XKR4: variants seen among roughly 807,000 people sequenced by gnomAD.
XKR4 encodes the protein XK-related protein 4.
XKR4 carries 12 observed loss-of-function variants against 53.9 expected under a neutral mutation model. The ratio of observed to expected loss-of-function variants is 0.22; its 90% CI spans 0.14 to 0.36. The LOEUF (loss-of-function observed/expected upper bound fraction) is 0.36. Among genes scored for constraint, XKR4 ranks in the 10% least tolerant of loss-of-function variants. The pLI is 1.00. For missense variants in XKR4, 799 were observed against 859.5 expected (o/e 0.93, Z 0.88); for synonymous variants, 354 against 362.4 (o/e 0.98, Z 0.26).
chr8:55,213,724 T>C (rs981615578), intron 1 of XKR4, among the ~76,000 whole-genome samples: 1 of 152,206 alleles, frequency 6.6e-6, no homozygotes, highest in Non-Finnish European at 1.5e-5. Context: ...AAGGACATTT[T>C]GGAGGTTAGA....
chr8:55,138,995 T>C (rs562520356), intron 1 of XKR4, among the ~76,000 whole-genome samples: 1 of 152,342 alleles, frequency 6.6e-6, no homozygotes, highest in Non-Finnish European at 1.5e-5. Context: ...GGCTCGTCTG[T>C]CTGAGATCTT....
chr8:55,443,530 T>TAAAAAAAAAAAAAAAAAAAAAAAAAAAA (rs751152509), intron 2 of XKR4, among the ~76,000 whole-genome samples: 1 of 74,030 alleles, frequency 1.4e-5, no homozygotes, highest in Admixed American at 2.0e-4. Context: ...TCAGTTACAT[T>TAAAAAAAAAAAAAAAAAAAAAAAAAAAA]AAAAAAAAAA....
Position 55,326,144 on chromosome 8 carries a change from A to G in XKR4, c.807-31534A>G, listed in dbSNP as rs190894827. On this transcript the variant is annotated intron_variant, in intron 1 of 2. Coordinates refer to ENST00000327381, the MANE Select transcript of XKR4 (RefSeq NM_052898.2). ...ATAATGAGGGGTATTTTGGAAGATA[A>G]ATACAGAGGAAAGAATACCGGAGAC... Among the ~76,000 whole-genome samples, 42 of 152,304 alleles carry G rather than the reference A, an allele frequency of 2.8e-4. No individual in the cohort carries two copies. The East Asian group carries it at 4.8e-3, about 18-fold the overall frequency.
chr8:55,322,913 G>A (rs1803235804), intron 1 of XKR4, among the ~76,000 whole-genome samples: 1 of 151,976 alleles, frequency 6.6e-6, no homozygotes, highest in African/African-American at 2.4e-5. Flanking sequence ...TTCTTCCCGT[G>A]AGGACTTCCC....
At chr8:55,139,512 C>CAAAAAAAAACAAAAAAAAAAA (rs1816673737) in intron 1 of XKR4, among the ~76,000 whole-genome samples, 1 of 114,490 alleles carries the variant, frequency 8.7e-6, no homozygotes, top group African/African-American at 4.0e-5. Flanking sequence ...GACTCCGTCT[C>CAAAAAAAAACAAAAAAAAAAA]AAAAAAAAAA....
intron 2 of XKR4, among the ~76,000 whole-genome samples, chr8:55,368,109 C>T (rs1804019448): frequency 2.0e-5 from 3 of 152,168 alleles, no homozygotes; most frequent in Middle Eastern, 3.4e-3. Context: ...TACAGGCACA[C>T]ACCACCACAC....
At chr8:55,126,390 G>T (rs1183070799) in intron 1 of XKR4, among the ~76,000 whole-genome samples, 1 of 152,222 alleles carries the variant, frequency 6.6e-6, no homozygotes, top group Non-Finnish European at 1.5e-5. Context: ...CTCCATTGTT[G>T]TTCATCATTG....
chr8:55,174,578 T>C (rs1817205684), intron 1 of XKR4, among the ~76,000 whole-genome samples: 1 of 152,126 alleles, frequency 6.6e-6, no homozygotes, highest in Non-Finnish European at 1.5e-5. Context: ...CACCTGGTGA[T>C]GTTAGGTTAA....
chr8:55,300,721 G>A (rs1819180744), intron 1 of XKR4, among the ~76,000 whole-genome samples: 1 of 152,070 alleles, frequency 6.6e-6, no homozygotes, highest in Non-Finnish European at 1.5e-5. Context: ...ACTAAATGTG[G>A]GGGAATAAGG....
At chr8:55,510,332 G>A (rs1177729295) in intron 2 of XKR4, among the ~76,000 whole-genome samples, 4 of 152,166 alleles carry the variant, frequency 2.6e-5, no homozygotes, top group Admixed American at 6.5e-5. Context: ...GACGAGAAGC[G>A]GGAAGGCGCA....
At chr8:55,456,195 G>A (rs1282029241) in intron 2 of XKR4, among the ~76,000 whole-genome samples, 4 of 152,170 alleles carry the variant, frequency 2.6e-5, no homozygotes, top group African/African-American at 9.7e-5. Flanking sequence ...ACTTTGGAAG[G>A]CCAAGGCGGG....
At chr8:55,118,014 T>C (rs1041646144) in intron 1 of XKR4, among the ~76,000 whole-genome samples, 1 of 152,198 alleles carries the variant, frequency 6.6e-6, no homozygotes, top group African/African-American at 2.4e-5. Flanking sequence ...TCTGCAGTTC[T>C]ATGAAAACTG....
At chr8:55,489,120 A>G (rs1303781830) in intron 2 of XKR4, among the ~76,000 whole-genome samples, 1 of 152,202 alleles carries the variant, frequency 6.6e-6, no homozygotes, top group African/African-American at 2.4e-5. Context: ...CACGAAGAGT[A>G]AACCCTAATG....
chr8:55,361,639 T>G (rs116211313), intron 2 of XKR4, among the ~76,000 whole-genome samples: 1 of 152,014 alleles, frequency 6.6e-6, no homozygotes, highest in African/African-American at 2.4e-5. Flanking sequence ...CCGCTTAGAC[T>G]CTAATCTAAA....
intron 1 of XKR4, among the ~76,000 whole-genome samples, chr8:55,300,768 A>G (rs1819181700): frequency 6.6e-6 from 1 of 152,202 alleles, no homozygotes; most frequent in Non-Finnish European, 1.5e-5. Flanking sequence ...AGAGTCAGGC[A>G]GGATGATCGC....
intron 2 of XKR4, among the ~76,000 whole-genome samples, chr8:55,492,589 G>T (rs1443368240): frequency 1.3e-5 from 2 of 152,216 alleles, no homozygotes; most frequent in African/African-American, 4.8e-5. Flanking sequence ...TGTCCATGAT[G>T]CCATCGCTTA....
At chr8:55,466,473 C>T (rs947586333) in intron 2 of XKR4, among the ~76,000 whole-genome samples, 21 of 151,890 alleles carry the variant, frequency 1.4e-4, no homozygotes, top group South Asian at 4.2e-4. Flanking sequence ...CATCTCACAC[C>T]GGGGACTGTT....
chr8:55,490,841 T>C (rs1426068183), intron 2 of XKR4, among the ~76,000 whole-genome samples: 1 of 152,232 alleles, frequency 6.6e-6, no homozygotes, highest in Non-Finnish European at 1.5e-5. Flanking sequence ...TGGTTTGTTT[T>C]TTCTGCTTGT....
At chr8:55,437,319 C>T (rs960827536) in intron 2 of XKR4, among the ~76,000 whole-genome samples, 4 of 152,176 alleles carry the variant, frequency 2.6e-5, no homozygotes, top group Non-Finnish European at 5.9e-5. Context: ...GCATGAGCCA[C>T]TGTGCCTGGC....
Sources: gnomAD v4.1 joint callset for allele counts (sites outside exome capture counted in the v4.1 genomes callset) on GRCh38, gnomAD v4.1.1 for gene constraint, MANE v1.5 for transcripts, NCBI Gene and HGNC (gene_info 2026-07-23, HGNC 2026-07-21) for gene names.